Variants in SUGCT observed in about 807,000 individuals in gnomAD.
SUGCT encodes the protein succinyl-CoA:glutarate CoA-transferase.
SUGCT carries 41 observed loss-of-function variants against 55.0 expected under a neutral mutation model. The ratio of observed to expected loss-of-function variants is 0.74; its 90% confidence interval spans 0.58 to 0.97. The LOEUF (loss-of-function observed/expected upper bound fraction) is 0.97, where lower values mean the gene tolerates loss of function less well. Ranked by LOEUF, SUGCT falls within the 50% of genes least tolerant of loss-of-function variation. The pLI is 0.00. For missense variants in SUGCT, 568 were observed against 547.8 expected (o/e 1.04, Z -0.37); for synonymous variants, 187 against 200.4 (o/e 0.93, Z 0.56).
chr7:40,995,867 G>A, the SUGCT span, among the ~76,000 whole-genome samples: 4 of 152,112 alleles, frequency 2.6e-5, no homozygotes, highest in South Asian at 6.2e-4. Flanking sequence ...ATTTCTCAGG[G>A]TATATTTCTC....
intron 6 of SUGCT, among the ~76,000 whole-genome samples, chr7:40,236,876 C>T (rs1789050597): frequency 6.6e-6 from 1 of 151,976 alleles, no homozygotes; most frequent in African/African-American, 2.4e-5. Context: ...CTGCATTGTC[C>T]AGGCTGGAGT....
At chr7:40,467,328 G>A (rs187726713) in intron 11 of SUGCT, among the ~76,000 whole-genome samples, 6 of 151,616 alleles carry the variant, frequency 4.0e-5, no homozygotes, top group East Asian at 3.9e-4. Context: ...CCTAGTGTAC[G>A]TCTATAAATT....
At chr7:40,712,183 A>G (rs1785760928) in intron 12 of SUGCT, among the ~76,000 whole-genome samples, 1 of 152,240 alleles carries the variant, frequency 6.6e-6, no homozygotes, top group African/African-American at 2.4e-5. Context: ...TGAATATTCA[A>G]ATTATTTGTA....
At chr7:40,602,700 A>G (rs1351463552) in intron 12 of SUGCT, among the ~76,000 whole-genome samples, 1 of 152,196 alleles carries the variant, frequency 6.6e-6, no homozygotes, top group Non-Finnish European at 1.5e-5. Flanking sequence ...GTAGGAAGTC[A>G]TAGTGTCCTC....
intron 13 of SUGCT, among the ~76,000 whole-genome samples, chr7:40,763,541 A>G (rs540928410): frequency 6.9e-4 from 105 of 152,196 alleles, no homozygotes; most frequent in African/African-American, 2.4e-3. Context: ...TGGTTCGCTC[A>G]TGTTTGAGAG....
chr7:40,668,146 T>C (rs1481964751), intron 12 of SUGCT, among the ~76,000 whole-genome samples: 1 of 152,222 alleles, frequency 6.6e-6, no homozygotes, highest in African/African-American at 2.4e-5. Flanking sequence ...TTTAATTAAA[T>C]TCTTTTACAG....
Position 40,473,420 on chromosome 7 carries a change from A to G in SUGCT, c.986+14222A>G, listed in dbSNP as rs148013818. Among the ~76,000 whole-genome samples, 750 of 152,294 alleles carry G rather than the reference A, an allele frequency of 4.9e-3. 10 individuals are homozygous for G. The highest frequency in any genetic ancestry group is 0.017 in the African/African-American group (700 of 41,562). The stretch of plus-strand genomic sequence containing the variant: ...TTGAAATATTATTTTTCAGTGCATT[A>G]AAGTTAAAAGTTAAGATTGCATTTA... On this transcript the variant is annotated intron_variant, in intron 11 of 13. Transcript: ENST00000335693.
the SUGCT span, among the ~76,000 whole-genome samples, chr7:40,911,163 G>C: frequency 6.6e-6 from 1 of 152,006 alleles, no homozygotes; most frequent in South Asian, 2.1e-4. Context: ...ATACTGCTTC[G>C]GGGGTGGGAT....
chr7:40,632,933 T>C (rs1799854670), intron 12 of SUGCT, among the ~76,000 whole-genome samples: 1 of 152,178 alleles, frequency 6.6e-6, no homozygotes, highest in Admixed American at 6.5e-5. Context: ...GGTTTTTCTT[T>C]AGCTAATTAA....
At position 40,303,638 on chromosome 7, in the gene SUGCT, C is replaced by T. The variant is rs538846171; in HGVS notation, c.721-13122C>T. 7.9e-5 allele frequency among the ~76,000 whole-genome samples: 12 copies of T among 152,292 alleles called. No individual in the cohort carries two copies. The South Asian group carries it at 2.3e-3, about 29-fold the overall frequency. ...AGATGGGATTACAGGCGTCAGCCAC[C>T]GCACCTGGCCCATTTCTTCTCTTTC... is the stretch of plus-strand genomic sequence containing the variant. On this transcript the variant is annotated intron_variant, in intron 8 of 13. Coordinates refer to ENST00000335693, the MANE Select transcript of SUGCT (RefSeq NM_001193313.2).
intron 6 of SUGCT, chr7:40,217,289 C>A: frequency 3.2e-6 from 1 of 309,008 alleles, no homozygotes; most frequent in Admixed American, 4.1e-5. Context: ...AGACTGGCTG[C>A]GACCTCTGCC....
rs113609687 is a variant in SUGCT at position 40,677,637 on chromosome 7, C to T, written c.1090-71797C>T. Among the ~76,000 whole-genome samples, 854 of 152,248 alleles carry T rather than the reference C, an allele frequency of 5.6e-3. 8 individuals are homozygous for T. Among genetic ancestry groups the T allele is most frequent in the African/African-American group, 0.019 (774 of 41,538 alleles). ...CCTGTTTATGTCTCACTGGTCAGAACGAGTTCCATGCCCACTTCTGGCTAC... is the reference window on the plus strand; with the variant it reads ...CCTGTTTATGTCTCACTGGTCAGAATGAGTTCCATGCCCACTTCTGGCTAC... On this transcript the variant is annotated intron_variant, in intron 12 of 13. Transcript: ENST00000335693.
intron 11 of SUGCT, among the ~76,000 whole-genome samples, chr7:40,482,365 T>C (rs899359735): frequency 2.1e-5 from 3 of 143,170 alleles, no homozygotes. Flanking sequence ...AATCATGGTA[T>C]GGAGAAAAGA....
chr7:40,135,038 G>GA lies in SUGCT; in HGVS notation c.19dup (p.Arg7LysfsTer73). 1.9e-6 allele frequency: 3 copies of GA among 1,562,178 alleles called. No individual in the cohort carries two copies. The highest frequency in any genetic ancestry group is 2.6e-6 in the Non-Finnish European group (3 of 1,154,830). On this transcript the variant is annotated frameshift_variant, in exon 1 of 14. Transcript: ENST00000335693. LOFTEE classifies it high-confidence loss of function. Reference sequence around the variant, plus strand: ...CGCACGCGATGCTGGCGACGCTGGCGAGGGTGGCAGCTCTGCGCAGAACCT... The same window carrying GA: ...CGCACGCGATGCTGGCGACGCTGGCGAAGGGTGGCAGCTCTGCGCAGAACCT...
chr7:40,328,002 C>A (rs549446278), intron 9 of SUGCT, among the ~76,000 whole-genome samples: 1 of 152,268 alleles, frequency 6.6e-6, no homozygotes, highest in African/African-American at 2.4e-5. Flanking sequence ...AACTGGGATT[C>A]TAACTGAGGC....
the SUGCT span, among the ~76,000 whole-genome samples, chr7:41,037,035 A>C: frequency 6.6e-6 from 1 of 152,152 alleles, no homozygotes; most frequent in African/African-American, 2.4e-5. Flanking sequence ...TTCGACTCTC[A>C]TTATCTCAAT....
rs376455445 is a variant in SUGCT, at chr7:40,774,000, A to G, written c.1153+24503A>G. On this transcript the variant is annotated intron_variant, in intron 13 of 13. Transcript: ENST00000335693. Reference sequence around the variant, plus strand: ...GAGTGGAAATGGATGCTATAAATCTATTTTCTACAGAAATGTGTTATGAGG... The same window carrying G: ...GAGTGGAAATGGATGCTATAAATCTGTTTTCTACAGAAATGTGTTATGAGG... Among the ~76,000 whole-genome samples, 52 of 152,292 alleles carry G rather than the reference A, an allele frequency of 3.4e-4. 1 individual carries two copies. In the East Asian group the frequency reaches 9.3e-3, roughly 27 times the overall value.
chr7:40,921,522 C>T, the SUGCT span, among the ~76,000 whole-genome samples: 1 of 152,224 alleles, frequency 6.6e-6, no homozygotes. Flanking sequence ...GCAGGCGGCA[C>T]TGGGAGACCA....
chr7:40,838,361 A>T (rs574783019), intron 13 of SUGCT, among the ~76,000 whole-genome samples: 1 of 152,306 alleles, frequency 6.6e-6, no homozygotes, highest in African/African-American at 2.4e-5. Flanking sequence ...GAGAATTGAC[A>T]TCTTTAATAT....
Sources: allele counts gnomAD v4.1 joint callset (sites outside exome capture counted in the v4.1 genomes callset), GRCh38; gene constraint gnomAD v4.1.1; transcripts MANE v1.5; gene names NCBI Gene and HGNC (gene_info 2026-07-23, HGNC 2026-07-21).